The following TSG101 variants were observed in gnomAD, a reference collection of about 807,000 sequenced individuals.
TSG101 encodes the protein tumor susceptibility gene 101 protein.
Under a neutral mutation model 48.5 loss-of-function variants are expected in TSG101, and 19 were observed. The observed-to-expected ratio is 0.39, with a 90% CI of 0.27 to 0.58. The LOEUF is 0.58. Ranked by LOEUF, TSG101 falls within the 20% of genes least tolerant of loss-of-function variation. The pLI is 0.55. For synonymous variants in TSG101, 174 were observed against 169.4 expected (o/e 1.03, Z -0.21); for missense variants, 365 against 484.4 (o/e 0.75, Z 2.31).
Position 18,480,497 on chromosome 11 carries a change from GAGA to G in TSG101, c.*46_*48del, listed in dbSNP as rs1849511607. The G allele has an allele frequency of 6.8e-7, 1 of 1,466,178 alleles. No homozygotes were observed. The highest frequency in any genetic ancestry group is 9.5e-7 in the Non-Finnish European group (1 of 1,056,550). The allele number at this position is 1,466,178 out of a possible 1,614,324, so 90.8% of individuals were successfully genotyped here. Reference sequence around the variant, plus strand: ...TCTGGGCACCTACTGATAAAAGGAAGAGAAGAATACTTTAAGAAGAGCTCAACC... The same window carrying G: ...TCTGGGCACCTACTGATAAAAGGAAGAGAATACTTTAAGAAGAGCTCAACC... On this transcript the variant is annotated 3_prime_UTR_variant, in exon 10 of 10. Transcript: ENST00000251968.
At chr11:18,525,361 A>T (rs1035403862) in intron 1 of TSG101, among the ~76,000 whole-genome samples, 3 of 152,002 alleles carry the variant, frequency 2.0e-5, no homozygotes, top group African/African-American at 7.2e-5. Flanking sequence ...CCTGGCCAAC[A>T]TGGTGAAATC....
intron 7 of TSG101, among the ~76,000 whole-genome samples, chr11:18,501,169 T>G (rs1353568875): frequency 1.3e-5 from 2 of 152,234 alleles, no homozygotes; most frequent in African/African-American, 4.8e-5. Context: ...GCTTTTGAGA[T>G]ATTAACTATA....
At position 18,497,401 on chromosome 11, in the gene TSG101, T is replaced by A. The variant is rs182001993; in HGVS notation, c.640+5085A>T. 6.6e-4 allele frequency among the ~76,000 whole-genome samples: 100 copies of A among 152,312 alleles called. No homozygotes were observed. The East Asian group carries it at 0.017, about 26-fold the overall frequency. ...CATAAAATAATTTGCCTCTAGCCTA[T>A]ATGCCTAAGACAGTACTCTTGAAAA... On this transcript the variant is annotated intron_variant, in intron 7 of 9. Transcript: ENST00000251968.
rs764269969 is a variant in TSG101, at chr11:18,509,548, G to T, written c.475C>A (p.Pro159Thr). 2.5e-6 allele frequency: 4 copies of T among 1,612,242 alleles called. No homozygotes were observed. The highest frequency in any genetic ancestry group is 3.4e-6 in the Non-Finnish European group (4 of 1,179,054). ...SYPPYQATGPPNTSYMPGMPG... is the reference protein window; with the variant it reads ...SYPPYQATGPTNTSYMPGMPG... Reference sequence around the variant, plus strand: ...AAATCTCAATTCTACTTACTATTTGGTGGCCCCGTTGCCTGGTATGGCGGA... The same window carrying T: ...AAATCTCAATTCTACTTACTATTTGTTGGCCCCGTTGCCTGGTATGGCGGA... Residue 159 changes from proline to threonine, a missense_variant, in exon 5 of 10, where the codon CCA becomes ACA. Coordinates refer to ENST00000251968, the MANE Select transcript of TSG101 (RefSeq NM_006292.4).
intron 7 of TSG101, among the ~76,000 whole-genome samples, chr11:18,494,094 TC>T (rs1849739785): frequency 6.6e-6 from 1 of 152,192 alleles, no homozygotes; most frequent in Admixed American, 6.5e-5. Flanking sequence ...AAGTTTAAAT[TC>T]ATTTACATAA....
chr11:18,495,877 T>C (rs1353915179), intron 7 of TSG101, among the ~76,000 whole-genome samples: 1 of 151,354 alleles, frequency 6.6e-6, no homozygotes, highest in South Asian at 2.1e-4. Flanking sequence ...TGAGCTGAGA[T>C]TGCATCACTG....
At chr11:18,497,935 T>G (rs1849809605) in intron 7 of TSG101, among the ~76,000 whole-genome samples, 1 of 152,166 alleles carries the variant, frequency 6.6e-6, no homozygotes, top group Non-Finnish European at 1.5e-5. Flanking sequence ...ACATCAGACC[T>G]CAGGATGGTT....
intron 6 of TSG101, among the ~76,000 whole-genome samples, chr11:18,506,071 T>C (rs1274448430): frequency 2.0e-5 from 3 of 152,108 alleles, no homozygotes; most frequent in Middle Eastern, 3.2e-3. Flanking sequence ...GTGATCCGCC[T>C]GCATCGGCCT....
chr11:18,494,721 A>C (rs1849749290), intron 7 of TSG101, among the ~76,000 whole-genome samples: 1 of 152,176 alleles, frequency 6.6e-6, no homozygotes, highest in Non-Finnish European at 1.5e-5. Flanking sequence ...GGGAAGAGGC[A>C]CCCAAACCTG....
intron 7 of TSG101, among the ~76,000 whole-genome samples, chr11:18,500,129 A>C (rs1241874781): frequency 6.6e-6 from 1 of 152,090 alleles, no homozygotes; most frequent in Non-Finnish European, 1.5e-5. Context: ...TTTATTTCCA[A>C]TTCCATCCAT....
At position 18,483,906 on chromosome 11, in the gene TSG101, T is replaced by C; in HGVS notation, c.807A>G (p.Lys269=). The change falls in exon 8 of 10, where the codon AAA becomes AAG. Residue 269 remains lysine (K), a synonymous_variant. Transcript: ENST00000251968. ...CTAAACGGGTAACCATCTCTTCCAGTTTCTGGTGACCCTTTTTCAGGTCTT... is the reference window on the plus strand; with the variant it reads ...CTAAACGGGTAACCATCTCTTCCAGCTTCTGGTGACCCTTTTTCAGGTCTT... The part of the protein sequence containing the change: ...TEEDLKKGHQ[K]LEEMVTRLDQ... The C allele has an allele frequency of 4.3e-6, 7 of 1,614,204 alleles. No homozygotes were observed. Among genetic ancestry groups the C allele is most frequent in the Non-Finnish European group, 5.9e-6 (7 of 1,180,044 alleles).
At chr11:18,520,539 C>T (rs997371067) in intron 1 of TSG101, among the ~76,000 whole-genome samples, 9 of 152,114 alleles carry the variant, frequency 5.9e-5, no homozygotes, top group African/African-American at 2.2e-4. Context: ...ACATTTTATT[C>T]ACCTACTGTT....
At chr11:18,518,448 T>C (rs1850215254) in intron 2 of TSG101, among the ~76,000 whole-genome samples, 1 of 152,180 alleles carries the variant, frequency 6.6e-6, no homozygotes, top group South Asian at 2.1e-4. Flanking sequence ...CCTGGCATAT[T>C]ATTTTCAAGG....
At chr11:18,497,010 G>C (rs538127769) in intron 7 of TSG101, among the ~76,000 whole-genome samples, 1 of 152,192 alleles carries the variant, frequency 6.6e-6, no homozygotes, top group African/African-American at 2.4e-5. Flanking sequence ...AGAACTGCTT[G>C]AACCTGAGAG....
chr11:18,491,130 A>T (rs1332897377), intron 7 of TSG101: 1 of 164,132 alleles, frequency 6.1e-6, no homozygotes, highest in Non-Finnish European at 1.3e-5. Flanking sequence ...AAGCAAAATA[A>T]GGCAAAATGC....
Position 18,525,614 on chromosome 11 carries a change from G to T in TSG101, c.42+1161C>A. 4.9e-6 allele frequency: 4 copies of T among 811,056 alleles called. No homozygotes were observed. The South Asian group carries it at 1.7e-4, about 35-fold the overall frequency. 50.2% of individuals were successfully genotyped at this position (811,056 alleles called of 1,614,324 possible). On this transcript the variant is annotated intron_variant, in intron 1 of 9. Coordinates refer to ENST00000251968, the MANE Select transcript of TSG101 (RefSeq NM_006292.4). Reference sequence around the variant, plus strand: ...TACATACTATGTAAAACAATATACCGTTTTTTTCAAAAAGTGATATATAAA... The same window carrying T: ...TACATACTATGTAAAACAATATACCTTTTTTTTCAAAAAGTGATATATAAA...
chr11:18,490,492 C>CT (rs1391116763), intron 7 of TSG101: 6 of 498,270 alleles, frequency 1.2e-5, no homozygotes, highest in Non-Finnish European at 2.3e-5. Flanking sequence ...GGCTGCATTT[C>CT]TTCTTTCTTA....
rs546481671 is a variant in TSG101, at chr11:18,526,882, C to T, written c.-66G>A. On this transcript the variant is annotated 5_prime_UTR_variant, in exon 1 of 10. Coordinates refer to ENST00000251968, the MANE Select transcript of TSG101 (RefSeq NM_006292.4). The stretch of plus-strand genomic sequence containing the variant: ...CAGCCGCTGCTGGGCTGCCCCAGAC[C>T]GTCCCACACAATCGCACACCCCCAA... 367 of 1,551,346 alleles carry T rather than the reference C, an allele frequency of 2.4e-4. No individual in the cohort carries two copies. The highest frequency in any genetic ancestry group is 3.1e-4 in the Non-Finnish European group (351 of 1,150,318).
At chr11:18,499,402 A>ATATATT in intron 7 of TSG101, among the ~76,000 whole-genome samples, 2 of 5,456 alleles carry the variant, frequency 3.7e-4, no homozygotes, top group South Asian at 0.011. Flanking sequence ...ATATATATAT[A>ATATATT]TTTTTTTTTT....
Sources: allele counts gnomAD v4.1 joint callset (sites outside exome capture counted in the v4.1 genomes callset), GRCh38; gene constraint gnomAD v4.1.1; transcripts MANE v1.5; gene names NCBI Gene and HGNC (gene_info 2026-07-23, HGNC 2026-07-21).